Variants in MAPKAPK3 observed in about 807,000 individuals in gnomAD.
MAPKAPK3 encodes the protein MAPK activated protein kinase 3, also known as MAP kinase-activated protein kinase 3.
In MAPKAPK3, 35 loss-of-function variants were observed where a neutral mutation model predicts 49.2. That is an observed-to-expected ratio of 0.71 (90% CI 0.54 to 0.94). The LOEUF (loss-of-function observed/expected upper bound fraction) is 0.94, where lower values mean the gene tolerates loss of function less well. MAPKAPK3 is among the 40% of genes least tolerant of loss of function. The pLI is 0.00. For missense variants in MAPKAPK3, 398 were observed against 493.1 expected (o/e 0.81, Z 1.83); for synonymous variants, 178 against 188.7 (o/e 0.94, Z 0.46).
chr3:50,646,853 C>G (rs984281817), intron 9 of MAPKAPK3, 28 bp downstream of exon 9: 8 of 1,607,492 alleles, frequency 5.0e-6, no homozygotes, highest in Non-Finnish European at 6.8e-6. Flanking sequence ...CCATGGCAGG[C>G]AGGGTGTCCA....
intron 8 of MAPKAPK3, 47 bp downstream of exon 8, chr3:50,646,311 C>A (rs1269752809): frequency 2.5e-6 from 4 of 1,609,486 alleles, no homozygotes; most frequent in Non-Finnish European, 3.4e-6. Context: ...GCCCCTGCGG[C>A]TTTCATTCTG....
upstream of MAPKAPK3, chr3:50,611,882 C>T (rs996067416): frequency 3.1e-5 from 17 of 542,288 alleles, no homozygotes; most frequent in South Asian, 5.6e-4. Flanking sequence ...CAGCCCTTCC[C>T]GGAAGCAGCG....
At chr3:50,617,915 G>A in intron 2 of MAPKAPK3, 131 bp downstream of exon 2, 1 of 696,536 alleles carries the variant, frequency 1.4e-6, no homozygotes, top group Non-Finnish European at 2.4e-6. Context: ...ATACTGTCCT[G>A]TAAGGTCAGG....
chr3:50,615,677 T>C (rs1195107709), upstream of MAPKAPK3, among the ~76,000 whole-genome samples: 1 of 152,066 alleles, frequency 6.6e-6, no homozygotes, highest in African/African-American at 2.4e-5. Flanking sequence ...GGTCAGGGGG[T>C]TGCAGGGAGA....
chr3:50,625,922 TG>T (rs1204351693), intron 2 of MAPKAPK3, among the ~76,000 whole-genome samples: 3 of 151,532 alleles, frequency 2.0e-5, no homozygotes, highest in Non-Finnish European at 2.9e-5. Context: ...CAGGGGAGGG[TG>T]GGGGTGGGGA....
Position 50,644,504 on chromosome 3 carries a change from G to C in MAPKAPK3, c.600G>C (p.Gln200His). 6.2e-7 allele frequency: 1 copy of C among 1,614,214 alleles called. No individual in the cohort carries two copies. The highest frequency in any genetic ancestry group is 8.5e-7 in the Non-Finnish European group (1 of 1,180,042). ...AGGAGACCACCCAAAATGCCCTGCAGACACCCTGCTATACTCCCTATTATG... is the reference window on the plus strand; with the variant it reads ...AGGAGACCACCCAAAATGCCCTGCACACACCCTGCTATACTCCCTATTATG... ...FAKETTQNAL[Q>H]TPCYTPYYVA... The change falls in exon 6 of 11, where the codon CAG (glutamine) becomes CAC (histidine). Residue 200 changes from glutamine (Q) to histidine (H), a missense_variant. Physicochemically the swap from Gln to His is conservative, Grantham distance 24. This residue lies in a region of MAPKAPK3 where 30 missense variants were observed against 70.5 expected (regional missense o/e 0.43). Coordinates refer to ENST00000621469, the MANE Select transcript of MAPKAPK3 (RefSeq NM_001243925.2).
intron 2 of MAPKAPK3, among the ~76,000 whole-genome samples, chr3:50,638,920 C>T (rs2033107014): frequency 6.6e-6 from 1 of 152,220 alleles, no homozygotes; most frequent in African/African-American, 2.4e-5. Context: ...CAGCCCTCCT[C>T]CATTAGGAAA....
At chr3:50,646,100 T>C (rs1183025359) in intron 7 of MAPKAPK3, 40 bp from the exon 8 acceptor site, 1 of 1,601,134 alleles carries the variant, frequency 6.2e-7, no homozygotes, top group Admixed American at 1.7e-5. Flanking sequence ...ACCCTGGCAC[T>C]GCTCCCACCC....
chr3:50,631,265 A>T (rs1432257837), intron 2 of MAPKAPK3, among the ~76,000 whole-genome samples: 2 of 152,256 alleles, frequency 1.3e-5, no homozygotes, highest in Non-Finnish European at 1.5e-5. Context: ...GTGGCTAAAA[A>T]GTTAGATATT....
chr3:50,620,883 C>G (rs1311815829), intron 2 of MAPKAPK3, among the ~76,000 whole-genome samples: 1 of 152,226 alleles, frequency 6.6e-6, no homozygotes, highest in African/African-American at 2.4e-5. Flanking sequence ...TGCTTGTGCC[C>G]TCTCCCAGGC....
chr3:50,636,938 A>G (rs1282702527), intron 2 of MAPKAPK3, among the ~76,000 whole-genome samples: 3 of 151,758 alleles, frequency 2.0e-5, no homozygotes, highest in African/African-American at 7.3e-5. Context: ...TTTTCCGGGG[A>G]CGGCCCTCTC....
chr3:50,615,377 C>T (rs546924828), upstream of MAPKAPK3, among the ~76,000 whole-genome samples: 23 of 152,160 alleles, frequency 1.5e-4, no homozygotes, highest in South Asian at 8.3e-4. Context: ...TGTGTTTATA[C>T]GTGTTATATG....
intron 10 of MAPKAPK3, among the ~76,000 whole-genome samples, chr3:50,647,446 G>T (rs1224336631): frequency 1.3e-5 from 2 of 152,232 alleles, no homozygotes; most frequent in African/African-American, 4.8e-5. Flanking sequence ...AAGCTTGGAT[G>T]ATGACCTCTC....
upstream of MAPKAPK3, among the ~76,000 whole-genome samples, chr3:50,616,735 G>C (rs561056012): frequency 1.3e-5 from 2 of 152,294 alleles, no homozygotes; most frequent in Non-Finnish European, 2.9e-5. Context: ...AGTACGCTGA[G>C]GGTTGGCCAA....
rs369452087 is a variant in MAPKAPK3 at position 50,638,476 on chromosome 3, A to G, written c.220-1890A>G. ...GCAAGGGCAGCATGAGCAAGGATCC[A>G]TGGTGTCCAGGCAGGAGTGTCTGCC... On this transcript the variant is annotated intron_variant, in intron 2 of 10. Transcript: ENST00000621469. 1.4e-3 allele frequency among the ~76,000 whole-genome samples: 219 copies of G among 152,284 alleles called. 6 individuals are homozygous for G. In the South Asian group the frequency reaches 0.044, roughly 31 times the overall value.
At chr3:50,612,004 A>G in exon 1 of MAPKAPK3, 2 of 301,352 alleles carry the variant, frequency 6.6e-6, no homozygotes, top group South Asian at 1.1e-4. Context: ...ATTTCCAAGA[A>G]CTTTCCAGGA....
intron 2 of MAPKAPK3, among the ~76,000 whole-genome samples, chr3:50,622,071 G>A (rs1426100244): frequency 6.6e-6 from 1 of 152,216 alleles, no homozygotes; most frequent in Non-Finnish European, 1.5e-5. Context: ...TGCTGGGGCT[G>A]CTGCCTCTGG....
At chr3:50,611,762 C>T (rs1575988577), upstream of MAPKAPK3, 1 of 1,362,564 alleles carries the variant, frequency 7.3e-7, no homozygotes. Context: ...CGCGCGGGCG[C>T]AGGACAGGGA....
chr3:50,612,045 T>G, exon 1 of MAPKAPK3: 1 of 221,270 alleles, frequency 4.5e-6, no homozygotes. Context: ...AGCTGACCAA[T>G]CGCGACGCTG....
Sources: allele counts gnomAD v4.1 joint callset (sites outside exome capture counted in the v4.1 genomes callset), GRCh38; gene constraint gnomAD v4.1.1; regional missense constraint gnomAD v4.1.1; transcripts MANE v1.5; gene names NCBI Gene and HGNC (gene_info 2026-07-23, HGNC 2026-07-21).